Variants in DISP1 observed in about 807,000 individuals in gnomAD.
DISP1 encodes the protein protein dispatched homolog 1.
DISP1 carries 30 observed loss-of-function variants against 37.3 expected under a neutral mutation model. The observed-to-expected ratio is 0.80, with a 90% CI of 0.60 to 1.09. The LOEUF (loss-of-function observed/expected upper bound fraction) is 1.09, where lower values mean the gene tolerates loss of function less well. Among genes scored for constraint, DISP1 ranks in the 50% least tolerant of loss-of-function variants. DISP1 has a pLI of 0.00. For synonymous variants in DISP1, 634 were observed against 690.2 expected, an observed-to-expected ratio of 0.92 and a Z score of 1.28; for missense variants, 1,598 against 1,879.5, an observed-to-expected ratio of 0.85 and a Z score of 2.77.
chr1:222,995,490 T>C (rs1397680804), intron 8 of DISP1, among the ~76,000 whole-genome samples: 1 of 152,158 alleles, frequency 6.6e-6, no homozygotes, highest in Non-Finnish European at 1.5e-5. Flanking sequence ...ACAGTATCTA[T>C]GTAAATGACC....
At chr1:222,854,311 G>A (rs2125314770) in intron 1 of DISP1, among the ~76,000 whole-genome samples, 1 of 152,254 alleles carries the variant, frequency 6.6e-6, no homozygotes, top group East Asian at 1.9e-4. Context: ...TGCATGGCTG[G>A]GGAAGCCTCA....
chr1:222,846,754 A>G (rs1667931620), intron 1 of DISP1, among the ~76,000 whole-genome samples: 1 of 152,274 alleles, frequency 6.6e-6, no homozygotes, highest in African/African-American at 2.4e-5. Context: ...TGAATGGAGA[A>G]GAGTTCTGTT....
chr1:222,830,626 C>G (rs549997636), intron 1 of DISP1, among the ~76,000 whole-genome samples: 5 of 152,304 alleles, frequency 3.3e-5, no homozygotes, highest in Admixed American at 3.3e-4. Context: ...AAGTGATCCA[C>G]CTGCCTCGGT....
chr1:222,943,720 T>C (rs1674551874), intron 3 of DISP1, among the ~76,000 whole-genome samples: 1 of 152,114 alleles, frequency 6.6e-6, no homozygotes, highest in African/African-American at 2.4e-5. Context: ...TGAACATTTA[T>C]GAAAAAGAAG....
intron 3 of DISP1, among the ~76,000 whole-genome samples, chr1:222,978,474 T>A (rs1315991972): frequency 6.6e-6 from 1 of 152,256 alleles, no homozygotes; most frequent in East Asian, 1.9e-4. Flanking sequence ...GTAGGTTGCC[T>A]GTTCACTCTG....
chr1:223,005,783 C>T lies in DISP1; in HGVS notation c.4386C>T (p.Val1462=), dbSNP rs1679869330. The T allele has an allele frequency of 1.9e-6, 3 of 1,614,114 alleles. No homozygotes were observed. In the East Asian group the frequency reaches 6.7e-5, roughly 36 times the overall value. ...ATTTCAATCAGAATGAACCAAAAGT[C>T]CTATTTAATCATTTAATGGGGGAGG... is the stretch of plus-strand genomic sequence containing the variant. The part of the protein sequence containing the change: ...SEHFNQNEPK[V]LFNHLMGEAG... The change falls in exon 9 of 9, where the codon GTC becomes GTT. Residue 1462 remains valine, a synonymous_variant. Transcript: ENST00000675850.
intron 1 of DISP1, among the ~76,000 whole-genome samples, chr1:222,878,969 A>C (rs1670124400): frequency 6.6e-6 from 1 of 152,148 alleles, no homozygotes. Context: ...TGGAGGTATA[A>C]ATAAAGGAAG....
chr1:222,819,609 A>G (rs1572104563), intron 1 of DISP1, among the ~76,000 whole-genome samples: 1 of 142,016 alleles, frequency 7.0e-6, no homozygotes, highest in African/African-American at 2.6e-5. Context: ...GCACGATCTC[A>G]GCTCACTGCA....
chr1:222,908,361 T>G (rs995045067), intron 1 of DISP1, among the ~76,000 whole-genome samples: 1 of 151,962 alleles, frequency 6.6e-6, no homozygotes, highest in Non-Finnish European at 1.5e-5. Context: ...GTAAAAAAAA[T>G]TTTTAAAAAG....
chr1:222,908,442 G>C (rs909857606), intron 1 of DISP1, among the ~76,000 whole-genome samples: 2 of 152,144 alleles, frequency 1.3e-5, no homozygotes, highest in African/African-American at 4.8e-5. Context: ...GTCTTGCTCT[G>C]TCGCCCAGGC....
Position 222,991,649 on chromosome 1 carries a change from TAATC to T in DISP1, c.791+6_791+9del, listed in dbSNP as rs757537074. The T allele has an allele frequency of 1.2e-6, 2 of 1,611,728 alleles. No individual in the cohort carries two copies. Among genetic ancestry groups the T allele is most frequent in the Admixed American group, 3.3e-5 (2 of 59,984 alleles). On this transcript the variant is annotated splice_donor_5th_base_variant and intron_variant, in intron 6 of 8. Transcript: ENST00000675850. ...ATATGCAGATGAACAAGCCAAAAGG[TAATC>T]AATTATTTATTTTTATATAACTTTT...
intron 1 of DISP1, among the ~76,000 whole-genome samples, chr1:222,846,258 A>G (rs966843612): frequency 2.6e-5 from 4 of 152,240 alleles, no homozygotes; most frequent in African/African-American, 7.2e-5. Flanking sequence ...TTGGGAGGCC[A>G]AGGCGGGCGG....
At chr1:222,912,159 T>C (rs1413138606) in intron 1 of DISP1, among the ~76,000 whole-genome samples, 1 of 152,110 alleles carries the variant, frequency 6.6e-6, no homozygotes, top group Non-Finnish European at 1.5e-5. Flanking sequence ...TGTCCAGAAT[T>C]ATAATGAATC....
In DISP1 at chr1:222,992,193, C is replaced by T. The variant is rs552621880; in HGVS notation, c.889+83C>T. 29 of 1,101,242 alleles carry T rather than the reference C, an allele frequency of 2.6e-5. No homozygotes were observed. The South Asian group carries it at 3.6e-4, about 14-fold the overall frequency. The allele number at this position is 1,101,242 out of a possible 1,614,324, so 68.2% of individuals were successfully genotyped here. A position where few individuals can be genotyped will look rare whatever the true frequency, so the allele number is the denominator to read the frequency against. On this transcript the variant is annotated intron_variant, in intron 7 of 8. Transcript: ENST00000675850. ...ACATGATCACAGTCTAGACTGATAG[C>T]CGTGTGTGGCTAGTCACACAGCTTC...
chr1:222,960,055 A>G (rs1425474553), intron 3 of DISP1, among the ~76,000 whole-genome samples: 1 of 152,118 alleles, frequency 6.6e-6, no homozygotes, highest in Non-Finnish European at 1.5e-5. Flanking sequence ...CCCACTATCA[A>G]TATTAGATCA....
intron 2 of DISP1, among the ~76,000 whole-genome samples, chr1:222,933,919 TCAATATACTATATGA>T (rs1439310942): frequency 6.6e-6 from 1 of 152,068 alleles, no homozygotes; most frequent in Non-Finnish European, 1.5e-5. Flanking sequence ...TCTTAAATAG[TCAATATACTATATGA>T]CAACAAAGAT....
chr1:222,898,188 C>T (rs1181076999), intron 1 of DISP1, among the ~76,000 whole-genome samples: 1 of 152,076 alleles, frequency 6.6e-6, no homozygotes, highest in African/African-American at 2.4e-5. Context: ...GGGATATAAA[C>T]ATTGTTTGGG....
intron 1 of DISP1, chr1:222,872,247 C>CT (rs1408068285): frequency 6.6e-6 from 1 of 152,104 alleles, no homozygotes; most frequent in Non-Finnish European, 1.5e-5. Flanking sequence ...CTAAAATTCT[C>CT]TTTTTTTGTT....
In DISP1 at chr1:222,943,231, G is replaced by A; in HGVS notation, c.408G>A (p.Gln136=). The A allele has an allele frequency of 6.2e-7, 1 of 1,612,768 alleles. No homozygotes were observed. The highest frequency in any genetic ancestry group is 8.5e-7 in the Non-Finnish European group (1 of 1,179,000). ...SLCPNHSPVY[Q]TTCCLQPSPS... Reference sequence around the variant, plus strand: ...GTCCAAATCATTCACCTGTGTATCAGACTACGTGCTGTCTTCAGCCCTCTC... The same window carrying A: ...GTCCAAATCATTCACCTGTGTATCAAACTACGTGCTGTCTTCAGCCCTCTC... The change falls in exon 3 of 9, where the codon CAG becomes CAA. Residue 136 remains glutamine, a synonymous_variant. Transcript: ENST00000675850.
Sources: allele counts gnomAD v4.1 joint callset (sites outside exome capture counted in the v4.1 genomes callset), GRCh38; gene constraint gnomAD v4.1.1; transcripts MANE v1.5; gene names NCBI Gene and HGNC (gene_info 2026-07-23, HGNC 2026-07-21).